Variants in G2E3 observed in about 807,000 individuals in gnomAD.
The protein encoded by G2E3 is G2/M phase-specific E3 ubiquitin-protein ligase.
A neutral mutation model predicts 92.8 loss-of-function variants in G2E3; 35 were observed. The observed-to-expected ratio is 0.38, with a 90% CI of 0.29 to 0.50. The LOEUF is 0.50. Among genes scored for constraint, G2E3 ranks in the 20% least tolerant of loss-of-function variants. The probability of loss-of-function intolerance (pLI) is 0.94; values close to 1 mark genes in which losing one functional copy is unlikely to be tolerated. For missense variants in G2E3, 554 were observed against 823.8 expected (o/e 0.67, Z 4.01); for synonymous variants, 242 against 272.4 (o/e 0.89, Z 1.10).
chr14:30,579,294 A>C (rs1388759285), intron 1 of G2E3, among the ~76,000 whole-genome samples: 1 of 152,206 alleles, frequency 6.6e-6, no homozygotes, highest in African/African-American at 2.4e-5. Flanking sequence ...CTGGGCTCTT[A>C]GTTGTTTTAT....
chr14:30,594,599 G>A (rs1004358633), intron 6 of G2E3, among the ~76,000 whole-genome samples: 9 of 151,796 alleles, frequency 5.9e-5, no homozygotes, highest in African/African-American at 2.2e-4. Flanking sequence ...AGGCTGAGGC[G>A]GGAGAATGGC....
chr14:30,583,037 AAGTTTATTGC>A (rs1880518239), intron 2 of G2E3, among the ~76,000 whole-genome samples: 1 of 152,096 alleles, frequency 6.6e-6, no homozygotes, highest in African/African-American at 2.4e-5. Context: ...AAAACAAGAG[AAGTTTATTGC>A]TTGGTCAGGT....
intron 1 of G2E3, among the ~76,000 whole-genome samples, chr14:30,570,335 T>C (rs1824486591): frequency 6.6e-6 from 1 of 152,208 alleles, no homozygotes; most frequent in African/African-American, 2.4e-5. Flanking sequence ...CTTGAGCTTC[T>C]TAAAAATGTG....
chr14:30,586,501 TAC>T (rs1337867043), intron 2 of G2E3, among the ~76,000 whole-genome samples: 3 of 152,200 alleles, frequency 2.0e-5, no homozygotes, highest in African/African-American at 7.2e-5. Context: ...CCATTTTAAC[TAC>T]ACAGTGAAAT....
intron 12 of G2E3, among the ~76,000 whole-genome samples, chr14:30,609,394 T>A (rs1357165120): frequency 1.3e-5 from 2 of 152,184 alleles, no homozygotes; most frequent in Non-Finnish European, 2.9e-5. Flanking sequence ...TTTTCTAATT[T>A]TTCATCTGCT....
At position 30,618,721 on chromosome 14, in the gene G2E3, A is replaced by G. The variant is rs1882430785; in HGVS notation, c.*2187A>G. On this transcript the variant is annotated 3_prime_UTR_variant, in exon 15 of 15. Coordinates refer to ENST00000206595, the MANE Select transcript of G2E3 (RefSeq NM_017769.5). ...GTTTGAAGGATGTTCCATTATTACC[A>G]TTTTTAGATTAATCTGTATGGTCAA... 6.6e-6 allele frequency: 1 copy of G among 152,050 alleles called. No individual in the cohort carries two copies. The highest frequency in any genetic ancestry group is 2.4e-5 in the African/African-American group (1 of 41,430). 9.4% of individuals were successfully genotyped at this position (152,050 alleles called of 1,614,324 possible).
chr14:30,600,020 A>G (rs1022532513), intron 8 of G2E3, among the ~76,000 whole-genome samples: 1 of 152,216 alleles, frequency 6.6e-6, no homozygotes, highest in East Asian at 1.9e-4. Context: ...ACTGTGTTGC[A>G]TAGTAGGAAC....
intron 1 of G2E3, among the ~76,000 whole-genome samples, chr14:30,569,608 A>T (rs1879638331): frequency 6.6e-6 from 1 of 152,136 alleles, no homozygotes; most frequent in African/African-American, 2.4e-5. Flanking sequence ...GAACTGTAGT[A>T]AAAAAGATGC....
At chr14:30,605,853 T>G (rs1024291875) in intron 11 of G2E3, 41 bp downstream of exon 11, 8 of 1,060,160 alleles carry the variant, frequency 7.5e-6, no homozygotes, top group Non-Finnish European at 9.5e-6. Context: ...AAATATCACA[T>G]GTATAGAAAA....
intron 1 of G2E3, among the ~76,000 whole-genome samples, chr14:30,571,622 C>T (rs8004508): frequency 6.6e-6 from 1 of 151,892 alleles, no homozygotes; most frequent in Non-Finnish European, 1.5e-5. Context: ...TTCTTCCCCC[C>T]ACCCTCCGCC....
intron 2 of G2E3, among the ~76,000 whole-genome samples, chr14:30,582,727 T>C (rs1002795794): frequency 1.3e-5 from 2 of 152,176 alleles, no homozygotes; most frequent in African/African-American, 2.4e-5. Flanking sequence ...ATGTGAACAG[T>C]TCCCTTGTAT....
intron 8 of G2E3, among the ~76,000 whole-genome samples, chr14:30,600,332 A>G (rs964273834): frequency 1.3e-5 from 2 of 152,152 alleles, no homozygotes; most frequent in Admixed American, 1.3e-4. Flanking sequence ...TTGTTACAAT[A>G]TAGTTGGCGT....
Position 30,612,349 on chromosome 14 carries a change from T to C in G2E3, c.1643T>C (p.Val548Ala). The change falls in exon 13 of 15, where the codon GTA becomes GCA. Residue 548 changes from valine to alanine, a missense_variant. Around this residue, in one of 3 missense-constraint regions of G2E3, gnomAD observed 397 missense variants for 560.3 expected, o/e 0.71. Transcript: ENST00000206595. The part of the protein sequence containing the change: ...MLVKDILGYH[V>A]IQRVHTPFES... Reference sequence around the variant, plus strand: ...GTAAAAGACATACTTGGCTACCATGTAATTCAGAGAGTCCACACACCCTTT... The same window carrying C: ...GTAAAAGACATACTTGGCTACCATGCAATTCAGAGAGTCCACACACCCTTT... The C allele has an allele frequency of 1.2e-6, 2 of 1,606,474 alleles. No homozygotes were observed. The highest frequency in any genetic ancestry group is 1.7e-6 in the Non-Finnish European group (2 of 1,175,054).
At chr14:30,584,921 T>C (rs1215945997) in intron 2 of G2E3, among the ~76,000 whole-genome samples, 1 of 141,098 alleles carries the variant, frequency 7.1e-6, no homozygotes, top group African/African-American at 2.6e-5. Context: ...AACCTCCACC[T>C]CCCAGGTTCA....
intron 1 of G2E3, 94 bp from the exon 2 acceptor site, chr14:30,580,982 C>G: frequency 1.3e-6 from 1 of 744,502 alleles, no homozygotes; most frequent in Non-Finnish European, 2.4e-6. Context: ...TATTAGATGA[C>G]TTATTTGTCA....
intron 4 of G2E3, among the ~76,000 whole-genome samples, chr14:30,591,885 G>GT (rs1206050499): frequency 4.6e-5 from 7 of 152,018 alleles, no homozygotes; most frequent in African/African-American, 1.7e-4. Context: ...TTTTCATTTG[G>GT]TCAGAATAGA....
chr14:30,612,034 A>C (rs1882116329), intron 12 of G2E3, 173 bp from the exon 13 acceptor site: 1 of 530,774 alleles, frequency 1.9e-6, no homozygotes, highest in African/African-American at 2.0e-5. Flanking sequence ...AAATAGACAA[A>C]TTTGTTGAAC....
At chr14:30,583,826 C>T (rs1880562675) in intron 2 of G2E3, among the ~76,000 whole-genome samples, 1 of 152,164 alleles carries the variant, frequency 6.6e-6, no homozygotes, top group African/African-American at 2.4e-5. Flanking sequence ...TCTGACTCTT[C>T]AAGTTGTATT....
At chr14:30,584,209 C>A (rs1393984877) in intron 2 of G2E3, among the ~76,000 whole-genome samples, 4 of 152,192 alleles carry the variant, frequency 2.6e-5, no homozygotes, top group African/African-American at 9.6e-5. Flanking sequence ...TTACTACTTT[C>A]ATCCTTTTTA....
Sources: allele counts gnomAD v4.1 joint callset (sites outside exome capture counted in the v4.1 genomes callset), GRCh38; gene constraint gnomAD v4.1.1; regional missense constraint gnomAD v4.1.1; transcripts MANE v1.5; gene names NCBI Gene and HGNC (gene_info 2026-07-23, HGNC 2026-07-21).